MARCHF1: variants seen among roughly 807,000 people sequenced by gnomAD.
MARCHF1 encodes the protein membrane associated ring-CH-type finger 1.
MARCHF1 carries 40 observed loss-of-function variants against 54.2 expected under a neutral mutation model. The ratio of observed to expected loss-of-function variants is 0.74; its 90% CI spans 0.57 to 0.96. The LOEUF is 0.96. Among genes scored for constraint, MARCHF1 ranks in the 40% least tolerant of loss-of-function variants. The pLI is 0.00. For missense variants in MARCHF1, 586 were observed against 656.5 expected, an observed-to-expected ratio of 0.89 and a Z score of 1.17; for synonymous variants, 236 against 236.3, an observed-to-expected ratio of 1.00 and a Z score of 0.01.
intron 1 of MARCHF1, among the ~76,000 whole-genome samples, chr4:164,301,310 A>C (rs535989023): frequency 1.1e-4 from 16 of 152,314 alleles, no homozygotes; most frequent in African/African-American, 3.4e-4. Context: ...TGAAGATATG[A>C]TTGCTAGAAA....
At chr4:163,934,360 A>G (rs571256603) in intron 3 of MARCHF1, among the ~76,000 whole-genome samples, 2 of 152,072 alleles carry the variant, frequency 1.3e-5, no homozygotes, top group East Asian at 3.9e-4. Context: ...GTAGTTTCAG[A>G]CAAACCTGGG....
At chr4:164,127,632 GGA>G in intron 1 of MARCHF1, among the ~76,000 whole-genome samples, 1 of 151,492 alleles carries the variant, frequency 6.6e-6, no homozygotes, top group Non-Finnish European at 1.5e-5. Context: ...ATCATGAGAG[GGA>G]ATAACTCACT....
intron 4 of MARCHF1, among the ~76,000 whole-genome samples, chr4:163,709,531 TCA>T (rs2111252058): frequency 6.6e-6 from 1 of 152,308 alleles, no homozygotes; most frequent in South Asian, 2.1e-4. Flanking sequence ...TTGGCCTTAC[TCA>T]ACAGAGTGTA....
At chr4:163,698,416 A>G (rs1486406866) in intron 5 of MARCHF1, among the ~76,000 whole-genome samples, 2 of 152,240 alleles carry the variant, frequency 1.3e-5, no homozygotes, top group African/African-American at 4.8e-5. Context: ...CATTCTGAAC[A>G]TAAAAGGAAA....
chr4:163,594,844 C>T (rs1392004435), intron 7 of MARCHF1, among the ~76,000 whole-genome samples: 6 of 151,956 alleles, frequency 3.9e-5, no homozygotes, highest in East Asian at 1.9e-4. Context: ...AGCCCTTGTA[C>T]GCTGTTAGGA....
chr4:164,287,153 T>A (rs1247620578), intron 1 of MARCHF1, among the ~76,000 whole-genome samples: 2 of 148,514 alleles, frequency 1.3e-5, no homozygotes, highest in East Asian at 1.9e-4. Context: ...ATTTTATGTT[T>A]TATATATATA....
chr4:164,092,312 C>T (rs1169272185), intron 2 of MARCHF1, among the ~76,000 whole-genome samples: 4 of 152,144 alleles, frequency 2.6e-5, no homozygotes, highest in African/African-American at 9.7e-5. Context: ...CAAGCCTTAA[C>T]ATCTGTGGAC....
chr4:163,781,797 T>A (rs112485688), intron 4 of MARCHF1, among the ~76,000 whole-genome samples: 2,208 of 152,296 alleles, frequency 0.014, 28 homozygotes, highest in South Asian at 0.03. Flanking sequence ...TAAGAGGGCC[T>A]GAGGCAAAAT....
chr4:164,078,012 C>G (rs2111106665), intron 2 of MARCHF1, among the ~76,000 whole-genome samples: 1 of 152,224 alleles, frequency 6.6e-6, no homozygotes, highest in South Asian at 2.1e-4. Flanking sequence ...ACCATTTGAT[C>G]CAGCAATCCC....
intron 2 of MARCHF1, among the ~76,000 whole-genome samples, chr4:164,026,562 C>T (rs189964433): frequency 1.1e-3 from 174 of 152,150 alleles, no homozygotes; most frequent in Non-Finnish European, 2.2e-3. Context: ...AAACCCTCAG[C>T]AGATTAGGCA....
intron 4 of MARCHF1, among the ~76,000 whole-genome samples, chr4:163,786,704 C>A (rs1013786811): frequency 6.6e-6 from 1 of 151,816 alleles, no homozygotes; most frequent in African/African-American, 2.4e-5. Context: ...ATCAAAATCC[C>A]AATAATTTTT....
At chr4:163,667,003 G>A (rs962001718) in intron 5 of MARCHF1, among the ~76,000 whole-genome samples, 1 of 151,750 alleles carries the variant, frequency 6.6e-6, no homozygotes, top group South Asian at 2.1e-4. Flanking sequence ...AAAATAATAC[G>A]GGAGAAATTT....
chr4:164,024,832 C>T (rs546643683), intron 2 of MARCHF1, among the ~76,000 whole-genome samples: 15 of 152,182 alleles, frequency 9.9e-5, no homozygotes, highest in African/African-American at 3.6e-4. Flanking sequence ...CTGCTGTCTT[C>T]AATAGACCCA....
chr4:163,873,058 CAAACAAACAAAAAA>C, intron 3 of MARCHF1, among the ~76,000 whole-genome samples: 2 of 133,228 alleles, frequency 1.5e-5, no homozygotes, highest in East Asian at 2.7e-4. Flanking sequence ...AAAAAACAAA[CAAACAAACAAAAAA>C]AAACAAACAA....
At chr4:163,545,816 C>T (rs1210657572) in intron 8 of MARCHF1, 73 bp from the exon 9 acceptor site, 1 of 1,392,722 alleles carries the variant, frequency 7.2e-7, no homozygotes, top group Non-Finnish European at 1.0e-6. Context: ...ATTTCCCAGA[C>T]ACAGATCATG....
intron 3 of MARCHF1, among the ~76,000 whole-genome samples, chr4:163,966,348 G>A (rs887186402): frequency 3.3e-5 from 5 of 151,754 alleles, no homozygotes; most frequent in Admixed American, 6.6e-5. Flanking sequence ...CATAGCTATA[G>A]CCTGTAAATT....
intron 3 of MARCHF1, among the ~76,000 whole-genome samples, chr4:163,922,726 C>T (rs1288504414): frequency 6.6e-6 from 1 of 151,904 alleles, no homozygotes; most frequent in Non-Finnish European, 1.5e-5. Flanking sequence ...TCACTAAAAG[C>T]AACTAATTCT....
chr4:164,157,311 CA>C (rs1428980407), intron 1 of MARCHF1, among the ~76,000 whole-genome samples: 1 of 151,998 alleles, frequency 6.6e-6, no homozygotes, highest in African/African-American at 2.4e-5. Context: ...ACTATATTAA[CA>C]TCTTTACAAG....
intron 5 of MARCHF1, among the ~76,000 whole-genome samples, chr4:163,695,755 G>C (rs1744608281): frequency 6.6e-6 from 1 of 152,086 alleles, no homozygotes; most frequent in Non-Finnish European, 1.5e-5. Context: ...TTGACAGTTG[G>C]CTTTTGAAAG....
Sources: gnomAD v4.1 joint callset for allele counts (sites outside exome capture counted in the v4.1 genomes callset) on GRCh38, gnomAD v4.1.1 for gene constraint, MANE v1.5 for transcripts, NCBI Gene and HGNC (gene_info 2026-07-23, HGNC 2026-07-21) for gene names.